Variants in GMEB1 observed in about 807,000 individuals in gnomAD.
The protein encoded by GMEB1 is glucocorticoid modulatory element-binding protein 1.
In GMEB1, 6 loss-of-function variants were observed where a neutral mutation model predicts 52.4. The observed-to-expected ratio is 0.11, with a 90% CI of 0.06 to 0.23. GMEB1 has a LOEUF of 0.23. Among genes scored for constraint, GMEB1 ranks in the 10% least tolerant of loss-of-function variants. The pLI, the probability that GMEB1 is intolerant of heterozygous loss-of-function variation, is 1.00. For missense variants in GMEB1, 486 were observed against 685.6 expected (o/e 0.71, Z 3.25); for synonymous variants, 255 against 244.9 (o/e 1.04, Z -0.38).
rs1032543434 is a variant in GMEB1, at chr1:28,669,450, C to T, written c.-31+611C>T. Among the ~76,000 whole-genome samples, 34 of 152,124 alleles carry T rather than the reference C, an allele frequency of 2.2e-4. No individual in the cohort carries two copies. The East Asian group carries it at 6.0e-3, about 27-fold the overall frequency. On this transcript the variant is annotated intron_variant, in intron 1 of 9. Coordinates refer to ENST00000373816, the MANE Select transcript of GMEB1 (RefSeq NM_001319674.2). ...GAGCCTTGGCGGGAGAGCAAGAGTACAGAGTGGGTTCTTCTGAGGAGAGCA... is the reference window on the plus strand; with the variant it reads ...GAGCCTTGGCGGGAGAGCAAGAGTATAGAGTGGGTTCTTCTGAGGAGAGCA...
Position 28,714,793 on chromosome 1 carries a change from G to T in GMEB1, c.*20G>T. 1 of 1,498,232 alleles carries T rather than the reference G, an allele frequency of 6.7e-7. No individual in the cohort carries two copies. Among genetic ancestry groups the T allele is most frequent in the East Asian group, 2.3e-5 (1 of 43,894 alleles). The allele number at this position is 1,498,232 out of a possible 1,614,324, so 92.8% of individuals were successfully genotyped here. On this transcript the variant is annotated 3_prime_UTR_variant, in exon 10 of 10. Transcript: ENST00000373816. ...GATTAACTGGGGATCTCAGGGCCAG[G>T]AGTTATGTTTTGATTTGGAATTTTA...
Position 28,677,316 on chromosome 1 carries a change from G to C in GMEB1, c.-30-6267G>C, listed in dbSNP as rs1316740486. On this transcript the variant is annotated intron_variant, in intron 1 of 9. Transcript: ENST00000373816. ...TCTGTCGCCCAGGTTGGAGTGCAGT[G>C]GCACGATCTCAGCTGGGACTACAGG... Among the ~76,000 whole-genome samples the C allele has an allele frequency of 2.0e-5, 3 of 151,202 alleles. No homozygotes were observed. The East Asian group carries it at 5.8e-4, about 29-fold the overall frequency.
chr1:28,682,858 A>G (rs567119044), intron 1 of GMEB1, among the ~76,000 whole-genome samples: 2 of 152,286 alleles, frequency 1.3e-5, no homozygotes, highest in South Asian at 4.1e-4. Context: ...GTAATGTGCT[A>G]CAAACCAACT....
intron 9 of GMEB1, among the ~76,000 whole-genome samples, chr1:28,711,527 C>T (rs1243990572): frequency 1.3e-5 from 2 of 152,106 alleles, no homozygotes; most frequent in African/African-American, 2.4e-5. Flanking sequence ...AATCACGGCT[C>T]ACTGCAACTT....
In GMEB1 at chr1:28,714,406, TCTC is replaced by T. The variant is rs779284830; in HGVS notation, c.1329_1331del (p.Ser444del). ...CAGCTCTTCCGCTATGCCACAGTGGTCTCCTCTGCCAAGAGCAGCTCACCAGAC... is the reference window on the plus strand; with the variant it reads ...CAGCTCTTCCGCTATGCCACAGTGGTCTCTGCCAAGAGCAGCTCACCAGAC... On this transcript the variant is annotated inframe_deletion, in exon 10 of 10. Coordinates refer to ENST00000373816, the MANE Select transcript of GMEB1 (RefSeq NM_001319674.2). 3.1e-6 allele frequency: 5 copies of T among 1,614,138 alleles called. No individual in the cohort carries two copies. Among genetic ancestry groups the T allele is most frequent in the African/African-American group, 2.7e-5 (2 of 75,018 alleles).
At chr1:28,705,445 CTTTTTTTTTTT>C (rs34597945) in intron 8 of GMEB1, among the ~76,000 whole-genome samples, 1 of 123,088 alleles carries the variant, frequency 8.1e-6, no homozygotes, top group South Asian at 2.7e-4. Flanking sequence ...TATGTATTTT[CTTTTTTTTTTT>C]TTTTTTTTCC....
chr1:28,709,751 T>A (rs965408334), intron 8 of GMEB1, among the ~76,000 whole-genome samples: 2 of 152,016 alleles, frequency 1.3e-5, no homozygotes, highest in African/African-American at 4.8e-5. Flanking sequence ...CTAATTTTAT[T>A]TATTTATTTA....
intron 8 of GMEB1, among the ~76,000 whole-genome samples, chr1:28,709,213 A>G (rs1014192401): frequency 2.0e-5 from 3 of 151,894 alleles, no homozygotes; most frequent in Non-Finnish European, 4.4e-5. Context: ...AGGCTGAGGC[A>G]GTCAAATCGC....
At position 28,714,158 on chromosome 1, in the gene GMEB1, G is replaced by T; in HGVS notation, c.1077G>T (p.Met359Ile). 2 of 1,614,146 alleles carry T rather than the reference G, an allele frequency of 1.2e-6. No homozygotes were observed. Among genetic ancestry groups the T allele is most frequent in the Non-Finnish European group, 1.7e-6 (2 of 1,180,008 alleles). ...KSQTVQNVVL[M>I]PVSTPKPPKR... The stretch of plus-strand genomic sequence containing the variant: ...AGACAGTTCAAAATGTGGTACTGAT[G>T]CCTGTGAGCACTCCTAAGCCTCCAA... Residue 359 changes from methionine to isoleucine, a missense_variant, in exon 10 of 10, where the codon ATG becomes ATT. Around this residue, in one of 5 missense-constraint regions of GMEB1, gnomAD observed 200 missense variants for 253.5 expected, o/e 0.79. Transcript: ENST00000373816.
At chr1:28,673,052 C>T (rs904768985) in intron 1 of GMEB1, among the ~76,000 whole-genome samples, 11 of 152,084 alleles carry the variant, frequency 7.2e-5, no homozygotes, top group African/African-American at 2.2e-4. Flanking sequence ...TGTGCCACTA[C>T]GCCCGGCTAA....
intron 1 of GMEB1, among the ~76,000 whole-genome samples, chr1:28,676,730 A>AAAAT (rs113150728): frequency 5.9e-5 from 9 of 151,312 alleles, no homozygotes; most frequent in Non-Finnish European, 1.3e-4. Flanking sequence ...GTCTCAAAAA[A>AAAAT]AAATAAATAA....
chr1:28,695,246 G>C (rs571942897), intron 5 of GMEB1, among the ~76,000 whole-genome samples: 1 of 151,782 alleles, frequency 6.6e-6, no homozygotes, highest in Non-Finnish European at 1.5e-5. Context: ...GATTACAGGC[G>C]TGAGCCACCA....
At chr1:28,689,848 G>A (rs1156416266) in intron 2 of GMEB1, 7 of 355,032 alleles carry the variant, frequency 2.0e-5, no homozygotes, top group East Asian at 5.0e-5. Context: ...GCAAGTGGTG[G>A]TATAAATAAA....
At chr1:28,699,150 A>G (rs577019290) in intron 6 of GMEB1, among the ~76,000 whole-genome samples, 1 of 152,226 alleles carries the variant, frequency 6.6e-6, no homozygotes, top group South Asian at 2.1e-4. Flanking sequence ...GTCTGCTTGG[A>G]GGGGCTCCTG....
chr1:28,669,420 T>G (rs1668776488), intron 1 of GMEB1, among the ~76,000 whole-genome samples: 1 of 152,086 alleles, frequency 6.6e-6, no homozygotes, highest in Non-Finnish European at 1.5e-5. Flanking sequence ...GAGGAGACCC[T>G]CTCGGAGCCT....
rs539315668 is a variant in GMEB1, at chr1:28,714,836, A to T, written c.*63A>T. 4.3e-6 allele frequency: 5 copies of T among 1,156,622 alleles called. No individual in the cohort carries two copies. The highest frequency in any genetic ancestry group is 6.2e-6 in the Non-Finnish European group (5 of 801,668). The allele number at this position is 1,156,622 out of a possible 1,614,324, so 71.6% of individuals were successfully genotyped here. On this transcript the variant is annotated 3_prime_UTR_variant, in exon 10 of 10. Transcript: ENST00000373816. ...GAATTTTAATTATTTGTTTATTTTT[A>T]TCATTGTCCCACTCATTTCCACATA... is the stretch of plus-strand genomic sequence containing the variant.
intron 1 of GMEB1, among the ~76,000 whole-genome samples, chr1:28,670,077 A>G (rs539172258): frequency 6.6e-6 from 1 of 152,324 alleles, no homozygotes; most frequent in African/African-American, 2.4e-5. Context: ...ACTGTCAGAC[A>G]TAATTCTAGT....
At chr1:28,698,841 G>A (rs1670357184) in intron 6 of GMEB1, among the ~76,000 whole-genome samples, 1 of 151,528 alleles carries the variant, frequency 6.6e-6, no homozygotes, top group Non-Finnish European at 1.5e-5. Flanking sequence ...AAAATTAGCC[G>A]GGTGTGGTGG....
At chr1:28,697,945 C>G (rs1670305477) in intron 6 of GMEB1, among the ~76,000 whole-genome samples, 1 of 152,080 alleles carries the variant, frequency 6.6e-6, no homozygotes, top group Non-Finnish European at 1.5e-5. Flanking sequence ...TGAGACCATC[C>G]TGGCTAACAC....
Sources: gnomAD v4.1 joint callset for allele counts (sites outside exome capture counted in the v4.1 genomes callset) on GRCh38, gnomAD v4.1.1 for gene constraint, gnomAD v4.1.1 regional missense constraint, MANE v1.5 for transcripts, NCBI Gene and HGNC (gene_info 2026-07-23, HGNC 2026-07-21) for gene names.